The following PPP2R5E variants were observed in gnomAD, a reference collection of about 807,000 sequenced individuals.
PPP2R5E encodes protein phosphatase 2 regulatory subunit B'epsilon.
In PPP2R5E, 4 loss-of-function variants were observed where a neutral mutation model predicts 65.3. The ratio of observed to expected loss-of-function variants is 0.06; its 90% CI spans 0.03 to 0.14. PPP2R5E has a LOEUF of 0.14. Ranked by LOEUF, PPP2R5E falls within the 10% of genes least tolerant of loss-of-function variation. PPP2R5E has a pLI of 1.00. For synonymous variants in PPP2R5E, 183 were observed against 187.4 expected (o/e 0.98, Z 0.19); for missense variants, 274 against 556.1 (o/e 0.49, Z 5.10).
chr14:63,487,551 T>A (rs1187322158), intron 2 of PPP2R5E, among the ~76,000 whole-genome samples: 1 of 152,182 alleles, frequency 6.6e-6, no homozygotes. Context: ...TCGAAATCAA[T>A]CTAATGATTT....
chr14:63,530,559 G>A (rs1040040395), intron 2 of PPP2R5E, among the ~76,000 whole-genome samples: 2 of 150,872 alleles, frequency 1.3e-5, no homozygotes, highest in African/African-American at 2.4e-5. Context: ...TTCTTAATGG[G>A]ATGAATATGA....
Position 63,396,669 on chromosome 14 carries a change from T to C in PPP2R5E, c.597A>G (p.Leu199=). 2 of 1,613,662 alleles carry C rather than the reference T, an allele frequency of 1.2e-6. No homozygotes were observed. Among genetic ancestry groups the C allele is most frequent in the East Asian group, 2.2e-5 (1 of 44,890 alleles). Residue 199 remains leucine (L), a synonymous_variant, in exon 6 of 14, where the codon TTA becomes TTG. Transcript: ENST00000337537. The part of the protein sequence containing the change: ...DSEDPRERDY[L]KTVLHRIYGK... ...CATAAATTCTGTGTAAGACTGTTTT[T>C]AAGTAGTCCCGTTCCCGAGGGTCTT... is the stretch of plus-strand genomic sequence containing the variant.
chr14:63,461,618 G>A (rs193275457), intron 2 of PPP2R5E, among the ~76,000 whole-genome samples: 79 of 149,862 alleles, frequency 5.3e-4, no homozygotes, highest in Non-Finnish European at 9.3e-4. Context: ...GCAACACAGC[G>A]AGATCGCGTC....
rs188588918 is a variant in PPP2R5E at position 63,504,112 on chromosome 14, G to A, written c.157+35417C>T. 5.4e-4 allele frequency among the ~76,000 whole-genome samples: 82 copies of A among 152,118 alleles called. No homozygotes were observed. In the East Asian group the frequency reaches 0.015, roughly 28 times the overall value. On this transcript the variant is annotated intron_variant, in intron 2 of 13. Transcript: ENST00000337537. The stretch of plus-strand genomic sequence containing the variant: ...ATTTTTCTTCCCAATCAAGAATCAG[G>A]CACAGGTATAGATTATTTCCACCGT...
chr14:63,417,708 G>A (rs1428853707), intron 4 of PPP2R5E, among the ~76,000 whole-genome samples: 1 of 151,844 alleles, frequency 6.6e-6, no homozygotes, highest in Admixed American at 6.6e-5. Flanking sequence ...AAGTGAAATC[G>A]GCTTTTTTAC....
At chr14:63,522,074 C>G (rs1464161659) in intron 2 of PPP2R5E, among the ~76,000 whole-genome samples, 1 of 151,202 alleles carries the variant, frequency 6.6e-6, no homozygotes, top group Non-Finnish European at 1.5e-5. Flanking sequence ...TTGCCGAGTG[C>G]CTGCGATTGC....
intron 2 of PPP2R5E, among the ~76,000 whole-genome samples, chr14:63,502,037 G>C (rs1296206930): frequency 6.6e-6 from 1 of 152,056 alleles, no homozygotes; most frequent in East Asian, 1.9e-4. Flanking sequence ...TGGGATTATA[G>C]GCACGCACCA....
rs1343691832 is a variant in PPP2R5E at position 63,522,669 on chromosome 14, G to A, written c.157+16860C>T. 2.2e-4 allele frequency among the ~76,000 whole-genome samples: 33 copies of A among 148,946 alleles called. 1 individual carries two copies. Among genetic ancestry groups the A allele is most frequent in the Non-Finnish European group, 1.8e-4 (12 of 67,420 alleles). ...TGGGAGGAGAGGAGCGTCTCTGCCC[G>A]GCCGCGACCCCGTCTGGGAGGAGAG... On this transcript the variant is annotated intron_variant, in intron 2 of 13. Coordinates refer to ENST00000337537, the MANE Select transcript of PPP2R5E (RefSeq NM_006246.5).
Position 63,465,516 on chromosome 14 carries a change from C to T in PPP2R5E, c.158-11631G>A, listed in dbSNP as rs192461623. The stretch of plus-strand genomic sequence containing the variant: ...TTAGCCAGGCCTGTAGTCTCAGCTA[C>T]TTAGGAGGCTGAGGTCAGAGGATGG... On this transcript the variant is annotated intron_variant, in intron 2 of 13. Transcript: ENST00000337537. Among the ~76,000 whole-genome samples the T allele has an allele frequency of 7.0e-4, 106 of 150,920 alleles. 3 individuals carry two copies. The East Asian group carries it at 0.019, about 27-fold the overall frequency.
intron 2 of PPP2R5E, among the ~76,000 whole-genome samples, chr14:63,486,879 T>G (rs896660381): frequency 6.6e-6 from 1 of 152,206 alleles, no homozygotes; most frequent in African/African-American, 2.4e-5. Context: ...TGATGTGATC[T>G]CTCCCATCCT....
At chr14:63,413,280 T>G (rs912668215) in intron 5 of PPP2R5E, among the ~76,000 whole-genome samples, 1 of 152,252 alleles carries the variant, frequency 6.6e-6, no homozygotes, top group Non-Finnish European at 1.5e-5. Flanking sequence ...TAGGATTTAC[T>G]GATTCCATGT....
chr14:63,383,605 A>G (rs1884493937), intron 12 of PPP2R5E, among the ~76,000 whole-genome samples: 1 of 152,274 alleles, frequency 6.6e-6, no homozygotes, highest in Non-Finnish European at 1.5e-5. Context: ...TTGAAAAATT[A>G]GAAATGTGAT....
intron 2 of PPP2R5E, among the ~76,000 whole-genome samples, chr14:63,500,787 G>A (rs1301332280): frequency 6.6e-6 from 1 of 151,836 alleles, no homozygotes; most frequent in Non-Finnish European, 1.5e-5. Context: ...GATCTCTCGA[G>A]CCTGGGATTT....
At chr14:63,535,507 GAATT>G (rs1180476551) in intron 2 of PPP2R5E, among the ~76,000 whole-genome samples, 1 of 151,814 alleles carries the variant, frequency 6.6e-6, no homozygotes, top group Non-Finnish European at 1.5e-5. Flanking sequence ...AAAACGCTAA[GAATT>G]AATGCAGTAT....
At chr14:63,466,975 C>G (rs978091821) in intron 2 of PPP2R5E, among the ~76,000 whole-genome samples, 7 of 152,030 alleles carry the variant, frequency 4.6e-5, no homozygotes, top group African/African-American at 1.7e-4. Context: ...GCCTGTAATC[C>G]CAGCACTTTG....
intron 5 of PPP2R5E, 95 bp downstream of exon 5, chr14:63,415,045 C>T: frequency 1.3e-6 from 1 of 758,686 alleles, no homozygotes; most frequent in Non-Finnish European, 2.2e-6. Flanking sequence ...GGTGATATAA[C>T]TGTCATTGCA....
rs1893992312 is a variant in PPP2R5E, at chr14:63,543,364, AC to A, written c.-594del. ...GAGTCCATGGCACACGCGCAACCGAACCTTCTGGCCAGCAGCGCCCGCCTCC... is the reference window on the plus strand; with the variant it reads ...GAGTCCATGGCACACGCGCAACCGAACTTCTGGCCAGCAGCGCCCGCCTCC... On this transcript the variant is annotated 5_prime_UTR_variant, in exon 1 of 14. Coordinates refer to ENST00000337537, the MANE Select transcript of PPP2R5E (RefSeq NM_006246.5). 6.5e-6 allele frequency: 1 copy of A among 153,132 alleles called. No homozygotes were observed. 9.5% of individuals were successfully genotyped at this position (153,132 alleles called of 1,614,324 possible).
At chr14:63,410,491 G>T (rs370853146) in intron 5 of PPP2R5E, among the ~76,000 whole-genome samples, 1 of 152,028 alleles carries the variant, frequency 6.6e-6, no homozygotes, top group Non-Finnish European at 1.5e-5. Context: ...TGAGTGAGAC[G>T]GGGGATAATG....
intron 2 of PPP2R5E, among the ~76,000 whole-genome samples, chr14:63,479,630 T>G (rs1289745049): frequency 2.0e-5 from 3 of 152,204 alleles, no homozygotes; most frequent in Non-Finnish European, 4.4e-5. Flanking sequence ...ACTCAGTCTA[T>G]GTAGCACCTA....
Sources: allele counts gnomAD v4.1 joint callset (sites outside exome capture counted in the v4.1 genomes callset), GRCh38; gene constraint gnomAD v4.1.1; transcripts MANE v1.5; gene names NCBI Gene and HGNC (gene_info 2026-07-23, HGNC 2026-07-21).